The following LEF1 variants were observed in gnomAD, a reference collection of about 807,000 sequenced individuals.
The protein encoded by LEF1 is lymphoid enhancer-binding factor 1.
Under a neutral mutation model 51.2 loss-of-function variants are expected in LEF1, and 14 were observed. That is an observed-to-expected ratio of 0.27 (90% CI 0.18 to 0.43). LEF1 has a LOEUF of 0.43. Ranked by LOEUF, LEF1 falls within the 20% of genes least tolerant of loss-of-function variation. LEF1 has a pLI of 1.00. For synonymous variants in LEF1, 185 were observed against 183.2 expected, an observed-to-expected ratio of 1.01 and a Z score of -0.08; for missense variants, 386 against 512.0, an observed-to-expected ratio of 0.75 and a Z score of 2.37.
rs553132295 is a variant in LEF1, at chr4:108,048,332, G to A, written c.*426C>T. Reference sequence around the variant, plus strand: ...GGTGCTGATGGATGTGCTGGTTGCTGGCTCCAGTTGCGCATGACAGGCAAA... The same window carrying A: ...GGTGCTGATGGATGTGCTGGTTGCTAGCTCCAGTTGCGCATGACAGGCAAA... On this transcript the variant is annotated 3_prime_UTR_variant, in exon 12 of 12. Coordinates refer to ENST00000265165, the MANE Select transcript of LEF1 (RefSeq NM_016269.5). The A allele has an allele frequency of 5.5e-6, 1 of 180,964 alleles. No homozygotes were observed. Among genetic ancestry groups the A allele is most frequent in the African/African-American group, 2.3e-5 (1 of 42,786 alleles). 11.2% of individuals were successfully genotyped at this position (180,964 alleles called of 1,614,324 possible).
intron 3 of LEF1, among the ~76,000 whole-genome samples, chr4:108,101,065 G>T (rs921177996): frequency 1.3e-5 from 2 of 152,128 alleles, no homozygotes; most frequent in Non-Finnish European, 2.9e-5. Flanking sequence ...GACAGCATTG[G>T]GTTTGAGTCA....
intron 3 of LEF1, among the ~76,000 whole-genome samples, chr4:108,124,698 T>C (rs1742410180): frequency 6.6e-6 from 1 of 152,080 alleles, no homozygotes; most frequent in Non-Finnish European, 1.5e-5. Context: ...AACATCCAAG[T>C]AGGAAAGACA....
chr4:108,077,576 G>A (rs1216256236), intron 8 of LEF1, among the ~76,000 whole-genome samples: 5 of 55,408 alleles, frequency 9.0e-5, no homozygotes, highest in Admixed American at 1.8e-4. Context: ...CTGCCGCCCC[G>A]TCTGGGAAGT....
chr4:108,110,249 T>G (rs1186625980), intron 3 of LEF1, among the ~76,000 whole-genome samples: 1 of 152,226 alleles, frequency 6.6e-6, no homozygotes, highest in Non-Finnish European at 1.5e-5. Flanking sequence ...CTAAGTATTA[T>G]AAACCATTTC....
intron 8 of LEF1, chr4:108,075,622 A>G (rs1738806000): frequency 6.6e-6 from 1 of 152,234 alleles, no homozygotes. Context: ...AAATTAGAGA[A>G]ACTCAAACTT....
chr4:108,151,784 C>A (rs1185926744), intron 3 of LEF1, among the ~76,000 whole-genome samples: 1 of 152,168 alleles, frequency 6.6e-6, no homozygotes, highest in South Asian at 2.1e-4. Flanking sequence ...ATGAAATGCT[C>A]AAATAATTTC....
intron 3 of LEF1, among the ~76,000 whole-genome samples, chr4:108,106,339 G>C (rs1421173163): frequency 6.6e-6 from 1 of 152,164 alleles, no homozygotes; most frequent in African/African-American, 2.4e-5. Flanking sequence ...ATTAGGAGAT[G>C]AAACTCCAGG....
intron 3 of LEF1, among the ~76,000 whole-genome samples, chr4:108,132,114 A>G (rs1742935678): frequency 6.6e-6 from 1 of 152,212 alleles, no homozygotes; most frequent in Non-Finnish European, 1.5e-5. Flanking sequence ...AAAGGCAGGT[A>G]TTTGGGTCCA....
At chr4:108,128,298 C>T (rs1272002089) in intron 3 of LEF1, among the ~76,000 whole-genome samples, 1 of 151,958 alleles carries the variant, frequency 6.6e-6, no homozygotes, top group African/African-American at 2.4e-5. Context: ...TCAGTCCTGC[C>T]CTCTAAACAC....
At chr4:108,053,177 C>A (rs192832076) in intron 11 of LEF1, among the ~76,000 whole-genome samples, 1 of 152,258 alleles carries the variant, frequency 6.6e-6, no homozygotes, top group Non-Finnish European at 1.5e-5. Context: ...CAGGATATCA[C>A]GCTCTGTTTG....
intron 3 of LEF1, among the ~76,000 whole-genome samples, chr4:108,115,558 T>C (rs1038279834): frequency 6.6e-6 from 1 of 152,038 alleles, no homozygotes; most frequent in Non-Finnish European, 1.5e-5. Flanking sequence ...ATCAAAACAG[T>C]AGGATGAAGC....
At chr4:108,118,435 T>C (rs1186152591) in intron 3 of LEF1, among the ~76,000 whole-genome samples, 1 of 152,186 alleles carries the variant, frequency 6.6e-6, no homozygotes, top group Non-Finnish European at 1.5e-5. Flanking sequence ...ATGCGAACTG[T>C]GAATTGTCAT....
At chr4:108,130,138 C>G (rs899465322) in intron 3 of LEF1, among the ~76,000 whole-genome samples, 6 of 152,050 alleles carry the variant, frequency 3.9e-5, no homozygotes, top group African/African-American at 1.4e-4. Flanking sequence ...GCTAAAATAG[C>G]CCTTCAAATC....
chr4:108,130,007 T>C lies in LEF1; in HGVS notation c.414+33561A>G, dbSNP rs183886037. 5.7e-4 allele frequency among the ~76,000 whole-genome samples: 87 copies of C among 152,338 alleles called. 2 individuals are homozygous for C. In the East Asian group the frequency reaches 9.6e-3, roughly 17 times the overall value. Reference sequence around the variant, plus strand: ...GTAACGATACTATTTACAGGGTGAATGACAACCAAGGTATTCAATAGTGAT... The same window carrying C: ...GTAACGATACTATTTACAGGGTGAACGACAACCAAGGTATTCAATAGTGAT... On this transcript the variant is annotated intron_variant, in intron 3 of 11. Coordinates refer to ENST00000265165, the MANE Select transcript of LEF1 (RefSeq NM_016269.5).
intron 9 of LEF1, among the ~76,000 whole-genome samples, chr4:108,067,007 G>A (rs1183192478): frequency 6.6e-6 from 1 of 152,078 alleles, no homozygotes; most frequent in Non-Finnish European, 1.5e-5. Flanking sequence ...ATACCATTCT[G>A]GCACTAAATG....
At chr4:108,067,612 C>A (rs1484507048) in intron 9 of LEF1, among the ~76,000 whole-genome samples, 2 of 151,860 alleles carry the variant, frequency 1.3e-5, no homozygotes, top group Admixed American at 6.6e-5. Flanking sequence ...TCATTGCAAC[C>A]TCTTCCTCTC....
intron 4 of LEF1, among the ~76,000 whole-genome samples, chr4:108,085,823 T>C (rs3797002): frequency 0.087 from 13,256 of 152,278 alleles, 733 homozygotes; most frequent in African/African-American, 0.15. Flanking sequence ...ACTTTTAATG[T>C]GGTACTTGGG....
At chr4:108,157,786 G>A (rs945853965) in intron 3 of LEF1, among the ~76,000 whole-genome samples, 9 of 152,288 alleles carry the variant, frequency 5.9e-5, no homozygotes, top group Admixed American at 2.6e-4. Flanking sequence ...GAGTACCATC[G>A]CTCAGTGAGC....
chr4:108,064,462 C>G (rs1737915247), intron 9 of LEF1, 78 bp from the exon 10 acceptor site: 9 of 1,091,352 alleles, frequency 8.2e-6, no homozygotes, highest in Non-Finnish European at 1.2e-5. Context: ...GAAGTACAGG[C>G]AGGTGGTCAA....
Sources: allele counts gnomAD v4.1 joint callset (sites outside exome capture counted in the v4.1 genomes callset), GRCh38; gene constraint gnomAD v4.1.1; transcripts MANE v1.5; gene names NCBI Gene and HGNC (gene_info 2026-07-23, HGNC 2026-07-21).